Variants in DDHD2 observed in about 807,000 individuals in gnomAD.
DDHD2 encodes the protein triacylglycerol hydrolase DDHD2.
Under a neutral mutation model 91.2 loss-of-function variants are expected in DDHD2, and 62 were observed. That is an observed-to-expected ratio of 0.68 (90% CI 0.55 to 0.84). DDHD2 has a LOEUF of 0.84. Ranked by LOEUF, DDHD2 falls within the 40% of genes least tolerant of loss-of-function variation. DDHD2 has a pLI of 0.00. For synonymous variants in DDHD2, 271 were observed against 293.9 expected, an observed-to-expected ratio of 0.92 and a Z score of 0.80; for missense variants, 740 against 846.9, an observed-to-expected ratio of 0.87 and a Z score of 1.57.
chr8:38,255,376 T>C (rs573599570), intron 16 of DDHD2: 1 of 492,056 alleles, frequency 2.0e-6, no homozygotes, highest in East Asian at 5.7e-5. Flanking sequence ...TGATCTGGCT[T>C]GATAGAAAAG....
intron 3 of DDHD2, among the ~76,000 whole-genome samples, chr8:38,236,739 C>T (rs1016276549): frequency 6.6e-6 from 1 of 152,082 alleles, no homozygotes; most frequent in Non-Finnish European, 1.5e-5. Flanking sequence ...AGGCTGGTCT[C>T]GAACTCCCAA....
Position 38,251,981 on chromosome 8 carries a change from A to T in DDHD2, c.1414A>T (p.Ser472Cys), listed in dbSNP as rs1359147675. ...NIPKESEFCS[S>C]SNTRNGDYLD... is the part of the protein sequence containing the mutation. ...CCCCAAAGAATCTGAGTTCTGCAGT[A>T]GCAGTAATACTAGAAATGGTGACTA... Residue 472 changes from serine (S) to cysteine (C), a missense_variant, in exon 12 of 18, where the codon AGC becomes TGC. Coordinates refer to ENST00000397166, the MANE Select transcript of DDHD2 (RefSeq NM_015214.3). The T allele has an allele frequency of 6.2e-7, 1 of 1,614,124 alleles. No individual in the cohort carries two copies. The highest frequency in any genetic ancestry group is 8.5e-7 in the Non-Finnish European group (1 of 1,180,034).
chr8:38,243,045 C>T (rs1164586279), intron 7 of DDHD2, among the ~76,000 whole-genome samples: 1 of 152,132 alleles, frequency 6.6e-6, no homozygotes, highest in Non-Finnish European at 1.5e-5. Flanking sequence ...TCAGAAATGG[C>T]TTTTCTGATT....
At chr8:38,253,353 G>C in intron 15 of DDHD2, 2 of 733,078 alleles carry the variant, frequency 2.7e-6, no homozygotes, top group Non-Finnish European at 4.3e-6. Flanking sequence ...GATGTGTTGC[G>C]CAAAAGCAAA....
intron 1 of DDHD2, chr8:38,267,967 A>T (rs1807933299): frequency 1.2e-6 from 2 of 1,614,008 alleles, no homozygotes; most frequent in African/African-American, 1.3e-5. Context: ...GCAGCTGCAA[A>T]GCAAAGCCAT....
chr8:38,246,964 G>A (rs1168191654), intron 9 of DDHD2: 1 of 152,230 alleles, frequency 6.6e-6, no homozygotes, highest in Non-Finnish European at 1.5e-5. Context: ...CTGTTCGAAA[G>A]TATTGGGGAC....
rs180936280 is a variant in DDHD2 at position 38,240,319 on chromosome 8, A to G, written c.667A>G (p.Ile223Val). The change falls in exon 6 of 18, where the codon ATT becomes GTT. Residue 223 changes from isoleucine to valine, a missense_variant. By Grantham distance (29) the Ile-to-Val change is conservative (BLOSUM62 3). This residue lies in a region of DDHD2 where 693 missense variants were observed against 764.2 expected (regional missense o/e 0.91). Transcript: ENST00000397166. Reference protein sequence around the residue: ...IDHLVFVVHGIGPACDLRFRS... With the variant: ...IDHLVFVVHGVGPACDLRFRS... Reference sequence around the variant, plus strand: ...TCACTTGGTTTTTGTAGTCCATGGGATTGGACCAGCTTGTGATCTCCGCTT... The same window carrying G: ...TCACTTGGTTTTTGTAGTCCATGGGGTTGGACCAGCTTGTGATCTCCGCTT... The G allele has an allele frequency of 1.2e-5, 19 of 1,610,964 alleles. No individual in the cohort carries two copies. In the Admixed American group the frequency reaches 2.3e-4, roughly 20 times the overall value.
chr8:38,238,162 G>C lies in DDHD2; in HGVS notation c.575G>C (p.Arg192Thr), dbSNP rs765246042. The stretch of plus-strand genomic sequence containing the variant: ...ACACCCACGGAGCAGGGTCGACCAA[G>C]AACTGTGAAGAGAGGAGTTGAGAAC... Reference protein sequence around the residue: ...GSTPTEQGRPRTVKRGVENIS... With the variant: ...GSTPTEQGRPTTVKRGVENIS... Residue 192 changes from arginine (R) to threonine (T), a missense_variant, in exon 5 of 18, where the codon AGA becomes ACA. Physicochemically the swap from Arg to Thr is moderately conservative, Grantham distance 71. Around this residue, in one of 2 missense-constraint regions of DDHD2, gnomAD observed 693 missense variants for 764.2 expected, o/e 0.91. Coordinates refer to ENST00000397166, the MANE Select transcript of DDHD2 (RefSeq NM_015214.3). The C allele has an allele frequency of 1.2e-6, 2 of 1,614,106 alleles. No homozygotes were observed. Among genetic ancestry groups the C allele is most frequent in the Non-Finnish European group, 1.7e-6 (2 of 1,179,980 alleles).
chr8:38,255,251 A>C, intron 16 of DDHD2: 1 of 359,826 alleles, frequency 2.8e-6, no homozygotes, highest in South Asian at 2.2e-5. Flanking sequence ...TTTCCCTTGA[A>C]TTCTGATGAG....
At chr8:38,267,326 G>A (rs748551084), downstream of DDHD2, 1 of 1,613,978 alleles carries the variant, frequency 6.2e-7, no homozygotes, top group Non-Finnish European at 8.5e-7. Context: ...CTTATCCCCT[G>A]TACACATCAA....
chr8:38,247,653 A>G lies in DDHD2; in HGVS notation c.1126-60A>G, dbSNP rs540669521. ...AATCTATGTATTTCTTTACTGCAAA[A>G]TAGTATTAAAGGAAACTAAATGAAT... is the stretch of plus-strand genomic sequence containing the variant. On this transcript the variant is annotated intron_variant, in intron 9 of 17. Transcript: ENST00000397166. 301 of 1,124,124 alleles carry G rather than the reference A, an allele frequency of 2.7e-4. 2 individuals carry two copies. In the South Asian group the frequency reaches 6.2e-3, roughly 23 times the overall value. 69.6% of individuals were successfully genotyped at this position (1,124,124 alleles called of 1,614,324 possible).
chr8:38,266,315 G>C (rs1451664693), downstream of DDHD2: 5 of 1,609,126 alleles, frequency 3.1e-6, no homozygotes, highest in East Asian at 2.2e-5. Flanking sequence ...AATGCAACTG[G>C]AACAAGAAAA....
chr8:38,233,056 A>G lies in DDHD2; in HGVS notation c.62A>G (p.Asn21Ser). The change falls in exon 2 of 18, where the codon AAC becomes AGC. Residue 21 changes from asparagine to serine, a missense_variant. Asn to Ser is a conservative substitution (Grantham distance 46, BLOSUM62 1). This residue lies in a region of DDHD2 where 693 missense variants were observed against 764.2 expected (regional missense o/e 0.91). Transcript: ENST00000397166. ...LSQSDPSPSP[N>S]SCSSFELIDM... Reference sequence around the variant, plus strand: ...CAGTCAGATCCATCTCCGTCACCAAACTCATGTAGTTCCTTTGAGCTAATA... The same window carrying G: ...CAGTCAGATCCATCTCCGTCACCAAGCTCATGTAGTTCCTTTGAGCTAATA... The G allele has an allele frequency of 6.2e-7, 1 of 1,614,074 alleles. No homozygotes were observed.
Position 38,252,790 on chromosome 8 carries a change from C to T in DDHD2, c.1686C>T (p.Ile562=). The T allele has an allele frequency of 6.2e-7, 1 of 1,614,058 alleles. No individual in the cohort carries two copies. The highest frequency in any genetic ancestry group is 8.5e-7 in the Non-Finnish European group (1 of 1,179,976). Reference sequence around the variant, plus strand: ...GAGTGGAATTTGAGCCAATGCTGATCCCACATCATAAAGGCAGGAAGCGGA... The same window carrying T: ...GAGTGGAATTTGAGCCAATGCTGATTCCACATCATAAAGGCAGGAAGCGGA... ...VPGVEFEPML[I]PHHKGRKRMH... The change falls in exon 14 of 18, where the codon ATC becomes ATT. Residue 562 remains isoleucine, a synonymous_variant. Coordinates refer to ENST00000397166, the MANE Select transcript of DDHD2 (RefSeq NM_015214.3).
At chr8:38,258,663 A>T (rs1806729038) in intron 16 of DDHD2, among the ~76,000 whole-genome samples, 1 of 152,188 alleles carries the variant, frequency 6.6e-6, no homozygotes, top group South Asian at 2.1e-4. Flanking sequence ...ACTTGTTGAT[A>T]CAGGAATTTC....
intron 16 of DDHD2, among the ~76,000 whole-genome samples, chr8:38,258,129 C>G (rs1408890460): frequency 6.6e-6 from 1 of 152,086 alleles, no homozygotes; most frequent in African/African-American, 2.4e-5. Context: ...CAACACCATG[C>G]CTGGCTATTC....
downstream of DDHD2, chr8:38,263,790 A>G: frequency 1.0e-6 from 1 of 985,406 alleles, no homozygotes; most frequent in Non-Finnish European, 1.2e-6. Context: ...AGCTTCTGAG[A>G]CAAGGTGGGG....
chr8:38,266,869 C>T (rs897225196), downstream of DDHD2: 1 of 255,910 alleles, frequency 3.9e-6, no homozygotes, highest in Non-Finnish European at 7.0e-6. Context: ...CTTTAGTTTC[C>T]TCATCTATAA....
At chr8:38,238,378 T>C (rs1804973082) in intron 5 of DDHD2, 169 bp downstream of exon 5, 3 of 1,398,452 alleles carry the variant, frequency 2.1e-6, no homozygotes, top group African/African-American at 1.5e-5. Flanking sequence ...AGAATCTTAA[T>C]AGATGTAAAA....
Sources: gnomAD v4.1 joint callset for allele counts (sites outside exome capture counted in the v4.1 genomes callset) on GRCh38, gnomAD v4.1.1 for gene constraint, gnomAD v4.1.1 regional missense constraint, MANE v1.5 for transcripts, NCBI Gene and HGNC (gene_info 2026-07-23, HGNC 2026-07-21) for gene names.